The following CNOT4 variants were observed in gnomAD, a reference collection of about 807,000 sequenced individuals.
CNOT4 encodes CCR4-NOT transcription complex subunit 4, also known as CCR4-associated factor 4.
CNOT4 carries 8 observed loss-of-function variants against 73.8 expected under a neutral mutation model. The ratio of observed to expected loss-of-function variants is 0.11; its 90% CI spans 0.06 to 0.20. CNOT4 has a LOEUF of 0.20. CNOT4 is among the 10% of genes least tolerant of loss of function. The pLI is 1.00. For synonymous variants in CNOT4, 293 were observed against 321.1 expected, an observed-to-expected ratio of 0.91 and a Z score of 0.94; for missense variants, 564 against 883.4, an observed-to-expected ratio of 0.64 and a Z score of 4.58.
intron 10 of CNOT4, chr7:135,387,262 A>G: frequency 1.0e-6 from 1 of 985,102 alleles, no homozygotes; most frequent in Non-Finnish European, 1.2e-6. Flanking sequence ...TTTATGCTGA[A>G]TTTTACAAAA....
rs142232292 is a variant in CNOT4, at chr7:135,392,109, C to T, written c.1627+1809G>A. Among the ~76,000 whole-genome samples the T allele has an allele frequency of 3.2e-3, 484 of 152,140 alleles. 1 individual carries two copies. Among genetic ancestry groups the T allele is most frequent in the Non-Finnish European group, 5.5e-3 (376 of 67,914 alleles). ...ATAAAAGGCCTTTTCTCTTCCCCTG[C>T]TGCTAACCCAAATCTAAGATATGAT... is the stretch of plus-strand genomic sequence containing the variant. On this transcript the variant is annotated intron_variant, in intron 10 of 11. Transcript: ENST00000541284.
chr7:135,427,265 C>G (rs79258690), intron 2 of CNOT4, among the ~76,000 whole-genome samples: 6,859 of 152,116 alleles, frequency 0.045, 216 homozygotes, highest in Middle Eastern at 0.12. Flanking sequence ...ATTAAACTTG[C>G]TAAGACTTTA....
rs1331096222 is a variant in CNOT4, at chr7:135,388,052, A to G, written c.1627+5866T>C. 12 of 985,300 alleles carry G rather than the reference A, an allele frequency of 1.2e-5. No individual in the cohort carries two copies. The East Asian group carries it at 4.5e-4, about 37-fold the overall frequency. 61.0% of individuals were successfully genotyped at this position (985,300 alleles called of 1,614,324 possible). ...TGTTTACTCCGTATTCAAGTTTCAG[A>G]TAAGTCAACTATAAACTGAAGTTCT... On this transcript the variant is annotated intron_variant, in intron 10 of 11. Coordinates refer to ENST00000541284, the MANE Select transcript of CNOT4 (RefSeq NM_001190850.2).
chr7:135,397,693 A>G (rs146459192), intron 8 of CNOT4, among the ~76,000 whole-genome samples: 1 of 152,240 alleles, frequency 6.6e-6, no homozygotes, highest in Non-Finnish European at 1.5e-5. Context: ...GTTTCATAGT[A>G]AATTCAACTT....
intron 7 of CNOT4, among the ~76,000 whole-genome samples, chr7:135,407,413 T>C (rs1797353412): frequency 6.6e-6 from 1 of 152,020 alleles, no homozygotes; most frequent in East Asian, 1.9e-4. Flanking sequence ...TAACAAGGTA[T>C]TTCATATTGT....
At chr7:135,400,913 A>G (rs1796969698) in intron 7 of CNOT4, among the ~76,000 whole-genome samples, 1 of 152,338 alleles carries the variant, frequency 6.6e-6, no homozygotes, top group South Asian at 2.1e-4. Context: ...GAATAAAGAT[A>G]TAACTAGAAA....
intron 1 of CNOT4, among the ~76,000 whole-genome samples, chr7:135,442,255 A>G (rs1457881286): frequency 1.3e-5 from 2 of 152,240 alleles, no homozygotes; most frequent in Admixed American, 6.5e-5. Context: ...CCAAATTTTC[A>G]TTTAGAGAAT....
chr7:135,443,867 G>A (rs970231440), intron 1 of CNOT4, among the ~76,000 whole-genome samples: 5 of 152,160 alleles, frequency 3.3e-5, no homozygotes, highest in African/African-American at 4.8e-5. Context: ...ATACATGAGA[G>A]GCTGGACACA....
At chr7:135,376,423 A>G (rs530475168) in intron 10 of CNOT4, among the ~76,000 whole-genome samples, 6 of 152,124 alleles carry the variant, frequency 3.9e-5, no homozygotes, top group African/African-American at 1.4e-4. Flanking sequence ...TTAGCAGATC[A>G]CTCGGGACTG....
intron 10 of CNOT4, among the ~76,000 whole-genome samples, chr7:135,393,619 G>A (rs1186312338): frequency 6.6e-6 from 1 of 152,038 alleles, no homozygotes; most frequent in South Asian, 2.1e-4. Flanking sequence ...TAACTTCAGA[G>A]ACCATTTTCT....
chr7:135,432,686 T>G (rs959719925), intron 2 of CNOT4, among the ~76,000 whole-genome samples: 10 of 152,178 alleles, frequency 6.6e-5, no homozygotes, highest in African/African-American at 2.4e-4. Context: ...TATTCCTTCA[T>G]GTTGGTGGGG....
At chr7:135,451,894 C>T (rs569280640) in intron 1 of CNOT4, among the ~76,000 whole-genome samples, 1 of 152,278 alleles carries the variant, frequency 6.6e-6, no homozygotes, top group East Asian at 1.9e-4. Flanking sequence ...GTACCATAGA[C>T]ATGTGCAAGT....
At chr7:135,383,181 G>T (rs759108155) in intron 10 of CNOT4, among the ~76,000 whole-genome samples, 1 of 152,122 alleles carries the variant, frequency 6.6e-6, no homozygotes, top group Non-Finnish European at 1.5e-5. Flanking sequence ...ATCCAACTAT[G>T]TAAGAGCAGA....
At chr7:135,376,828 T>C (rs1795548581) in intron 10 of CNOT4, among the ~76,000 whole-genome samples, 1 of 152,208 alleles carries the variant, frequency 6.6e-6, no homozygotes, top group South Asian at 2.1e-4. Context: ...TTCCCACTTT[T>C]CTGAAACATC....
chr7:135,464,437 A>C (rs189439349), intron 1 of CNOT4, among the ~76,000 whole-genome samples: 3 of 152,260 alleles, frequency 2.0e-5, no homozygotes, highest in Non-Finnish European at 2.9e-5. Context: ...GCAGGAACAG[A>C]CAGCCAAATA....
chr7:135,468,298 T>C (rs1801352370), intron 1 of CNOT4, among the ~76,000 whole-genome samples: 1 of 152,082 alleles, frequency 6.6e-6, no homozygotes, highest in African/African-American at 2.4e-5. Context: ...TAAGGTCATA[T>C]TTTGAATAGT....
chr7:135,392,207 T>G lies in CNOT4; in HGVS notation c.1627+1711A>C, dbSNP rs535509664. 1.4e-4 allele frequency among the ~76,000 whole-genome samples: 21 copies of G among 152,190 alleles called. 1 individual carries two copies. Among genetic ancestry groups the G allele is most frequent in the Admixed American group, 9.2e-4 (14 of 15,284 alleles). ...CAGGGTACATTGATGTCTCTCAGAT[T>G]CCAGTATCAGACATATAGTTACCAC... On this transcript the variant is annotated intron_variant, in intron 10 of 11. Transcript: ENST00000541284.
At chr7:135,399,784 A>C (rs1043146647) in intron 7 of CNOT4, among the ~76,000 whole-genome samples, 13 of 152,088 alleles carry the variant, frequency 8.5e-5, no homozygotes, top group African/African-American at 3.1e-4. Context: ...TTACTTGAAG[A>C]GCATTTTTAC....
chr7:135,473,213 A>G (rs768193164), intron 1 of CNOT4, among the ~76,000 whole-genome samples: 3 of 152,200 alleles, frequency 2.0e-5, no homozygotes, highest in Non-Finnish European at 4.4e-5. Flanking sequence ...AAACTCCTAT[A>G]TAAGTATTCC....
Sources: gnomAD v4.1 joint callset for allele counts (sites outside exome capture counted in the v4.1 genomes callset) on GRCh38, gnomAD v4.1.1 for gene constraint, MANE v1.5 for transcripts, NCBI Gene and HGNC (gene_info 2026-07-23, HGNC 2026-07-21) for gene names.